The following CCNB1 variants were observed in gnomAD, a reference collection of about 807,000 sequenced individuals.
CCNB1 encodes the protein cyclin B1.
A neutral mutation model predicts 44.4 loss-of-function variants in CCNB1; 26 were observed. That is an observed-to-expected ratio of 0.59 (90% confidence interval 0.43 to 0.81). The LOEUF (loss-of-function observed/expected upper bound fraction) is 0.81. CCNB1 is among the 40% of genes least tolerant of loss of function. The pLI, the probability that CCNB1 is intolerant of heterozygous loss-of-function variation, is 0.00. For synonymous variants in CCNB1, 195 were observed against 181.4 expected (o/e 1.08, Z -0.60); for missense variants, 477 against 520.9 (o/e 0.92, Z 0.82).
chr5:69,167,825 TCTC>T (rs879617924), intron 1 of CCNB1, 80 bp from the exon 2 acceptor site: 135 of 1,292,226 alleles, frequency 1.0e-4, no homozygotes, highest in East Asian at 1.0e-3. Flanking sequence ...TCTGGGAACT[TCTC>T]CTTGTGCCCC....
At chr5:69,172,597 A>AT (rs1389386491) in intron 4 of CCNB1, among the ~76,000 whole-genome samples, 2 of 151,838 alleles carry the variant, frequency 1.3e-5, no homozygotes, top group Non-Finnish European at 2.9e-5. Flanking sequence ...CATCACTGAC[A>AT]TGTTCATCTC....
chr5:69,175,374 CAG>C (rs1561315160), intron 6 of CCNB1, 21 bp from the exon 7 acceptor site: 1 of 1,608,422 alleles, frequency 6.2e-7, no homozygotes, highest in Non-Finnish European at 8.5e-7. Context: ...GAAAGAAACT[CAG>C]TAACATGGGT....
At position 69,170,790 on chromosome 5, in the gene CCNB1, T is replaced by C. The variant is rs556284792; in HGVS notation, c.364-480T>C. Among the ~76,000 whole-genome samples the C allele has an allele frequency of 8.4e-4, 128 of 152,210 alleles. 1 individual carries two copies. Among genetic ancestry groups the C allele is most frequent in the Non-Finnish European group, 1.1e-3 (72 of 68,010 alleles). ...GTAGGCAGCTGCCTTCATGCCCAGCTAATTTTTTGTAGAGATGAGTTATTG... is the reference window on the plus strand; with the variant it reads ...GTAGGCAGCTGCCTTCATGCCCAGCCAATTTTTTGTAGAGATGAGTTATTG... On this transcript the variant is annotated intron_variant, in intron 3 of 8. Coordinates refer to ENST00000256442, the MANE Select transcript of CCNB1 (RefSeq NM_031966.4).
intron 4 of CCNB1, 53 bp from the exon 5 acceptor site, chr5:69,174,198 A>G: frequency 1.9e-6 from 3 of 1,547,106 alleles, no homozygotes; most frequent in Non-Finnish European, 2.7e-6. Flanking sequence ...TCTGGACATA[A>G]ATGTGTCACA....
chr5:69,168,138 G>T (rs1270322327), intron 2 of CCNB1, 35 bp from the exon 3 acceptor site: 2 of 1,611,526 alleles, frequency 1.2e-6, no homozygotes, highest in Non-Finnish European at 8.5e-7. Context: ...GGCCTTTGAT[G>T]CAGAAACATT....
At chr5:69,168,493 C>G in intron 3 of CCNB1, 150 bp downstream of exon 3, 2 of 825,220 alleles carry the variant, frequency 2.4e-6, no homozygotes, top group Middle Eastern at 3.6e-4. Context: ...ATTTTACATG[C>G]ATTAACTCAC....
rs750802735 is a variant in CCNB1, at chr5:69,167,285, T to A, written c.21+2T>A. ...GCCATGGCGCTCCGAGTCACCAGGGTGAGCCGCTTCGGACTGCGAACTAAC... is the reference window on the plus strand; with the variant it reads ...GCCATGGCGCTCCGAGTCACCAGGGAGAGCCGCTTCGGACTGCGAACTAAC... On this transcript the variant is annotated splice_donor_variant, in intron 1 of 8. Coordinates refer to ENST00000256442, the MANE Select transcript of CCNB1 (RefSeq NM_031966.4). LOFTEE classifies it high-confidence loss of function. 1 of 1,589,392 alleles carries A rather than the reference T, an allele frequency of 6.3e-7. No individual in the cohort carries two copies. Among genetic ancestry groups the A allele is most frequent in the South Asian group, 1.1e-5 (1 of 88,622 alleles).
chr5:69,170,129 AATTTTTTTATT>A (rs1442643517), intron 3 of CCNB1, among the ~76,000 whole-genome samples: 1 of 150,444 alleles, frequency 6.6e-6, no homozygotes, highest in Admixed American at 6.7e-5. Flanking sequence ...ACACCCAGCT[AATTTTTTTATT>A]ATTTTTTTAT....
intron 3 of CCNB1, among the ~76,000 whole-genome samples, chr5:69,170,981 G>T (rs999612848): frequency 1.3e-5 from 2 of 151,650 alleles, no homozygotes; most frequent in African/African-American, 4.9e-5. Flanking sequence ...ACAGGGTTTT[G>T]CTATGTTGCC....
At position 69,171,321 on chromosome 5, in the gene CCNB1, G is replaced by A. The variant is rs1747454875; in HGVS notation, c.415G>A (p.Glu139Lys). Residue 139 changes from glutamate to lysine, a missense_variant, in exon 4 of 9, where the codon GAA becomes AAA. Glu to Lys is a moderately conservative substitution (Grantham distance 56, BLOSUM62 1). Transcript: ENST00000256442. The part of the protein sequence containing the change: ...PMETSGCAPA[E>K]EDLCQAFSDV... Reference sequence around the variant, plus strand: ...GGAAACATCTGGATGTGCCCCTGCAGAAGAAGACCTGTGTCAGGCTTTCTC... The same window carrying A: ...GGAAACATCTGGATGTGCCCCTGCAAAAGAAGACCTGTGTCAGGCTTTCTC... The A allele has an allele frequency of 6.2e-7, 1 of 1,613,976 alleles. No individual in the cohort carries two copies. Among genetic ancestry groups the A allele is most frequent in the Non-Finnish European group, 8.5e-7 (1 of 1,179,956 alleles).
At chr5:69,171,522 TATA>T (rs1308385600) in intron 4 of CCNB1, 70 bp downstream of exon 4, 24 of 1,146,966 alleles carry the variant, frequency 2.1e-5, no homozygotes, top group Non-Finnish European at 2.9e-5. Context: ...ATCAATAGTT[TATA>T]ATAATACAAG....
Position 69,175,390 on chromosome 5 carries a change from G to A in CCNB1, c.943-7G>A. The A allele has an allele frequency of 6.2e-7, 1 of 1,611,964 alleles. No homozygotes were observed. Among genetic ancestry groups the A allele is most frequent in the African/African-American group, 1.3e-5 (1 of 74,964 alleles). ...AAAGAAACTCAGTAACATGGGTTTTGTTTCAGGTTGATGTCGAGCAACATA... is the reference window on the plus strand; with the variant it reads ...AAAGAAACTCAGTAACATGGGTTTTATTTCAGGTTGATGTCGAGCAACATA... On this transcript the variant is annotated splice_polypyrimidine_tract_variant and splice_region_variant and intron_variant, in intron 6 of 8. Coordinates refer to ENST00000256442, the MANE Select transcript of CCNB1 (RefSeq NM_031966.4).
chr5:69,174,885 T>C lies in CCNB1; in HGVS notation c.714T>C (p.Cys238=). The change falls in exon 6 of 9, where the codon TGT becomes TGC. Residue 238 remains cysteine (C), a synonymous_variant. Transcript: ENST00000256442. The part of the protein sequence containing the change: ...SIIDRFMQNN[C]VPKKMLQLVG... ...TGAAATTCCCATTGCAGAATAATTGTGTGCCCAAGAAGATGCTGCAGCTGG... is the reference window on the plus strand; with the variant it reads ...TGAAATTCCCATTGCAGAATAATTGCGTGCCCAAGAAGATGCTGCAGCTGG... The C allele has an allele frequency of 6.2e-7, 1 of 1,613,660 alleles. No homozygotes were observed. The highest frequency in any genetic ancestry group is 8.5e-7 in the Non-Finnish European group (1 of 1,179,550).
intron 1 of CCNB1, chr5:69,167,572 G>A (rs1225483694): frequency 3.8e-6 from 2 of 520,002 alleles, no homozygotes; most frequent in African/African-American, 2.0e-5. Context: ...GTGATAGAGG[G>A]TCCCTGAGTG....
At chr5:69,172,328 C>T (rs926152495) in intron 4 of CCNB1, among the ~76,000 whole-genome samples, 18 of 152,086 alleles carry the variant, frequency 1.2e-4, no homozygotes, top group African/African-American at 1.4e-4. Context: ...GGTGCAATCT[C>T]GGCTCAGTCC....
chr5:69,173,784 G>A (rs1747516626), intron 4 of CCNB1, among the ~76,000 whole-genome samples: 1 of 151,206 alleles, frequency 6.6e-6, no homozygotes, highest in African/African-American at 2.4e-5. Flanking sequence ...TTTTTTTTGG[G>A]GTGGGGAGAC....
chr5:69,174,016 A>G (rs1747522248), intron 4 of CCNB1, among the ~76,000 whole-genome samples: 1 of 152,064 alleles, frequency 6.6e-6, no homozygotes, highest in African/African-American at 2.4e-5. Context: ...CAATCTGCCA[A>G]CTTCAGCCTC....
intron 4 of CCNB1, among the ~76,000 whole-genome samples, chr5:69,173,861 C>G (rs1450939744): frequency 2.6e-5 from 4 of 151,998 alleles, no homozygotes; most frequent in Admixed American, 2.6e-4. Context: ...CCTCCACCTG[C>G]CAGGTTCAAG....
In CCNB1 at chr5:69,177,621, C is replaced by T. The variant is rs142222479; in HGVS notation, c.1292C>T (p.Ala431Val). Residue 431 changes from alanine to valine, a missense_variant, in exon 9 of 9, where the codon GCA becomes GTA. Physicochemically the swap from Ala to Val is moderately conservative, Grantham distance 64. Coordinates refer to ENST00000256442, the MANE Select transcript of CCNB1 (RefSeq NM_031966.4). ...GTTCAAGATTTAGCCAAGGCTGTGGCAAAGGTGTAACTTGTAAACTTGAGT... is the reference window on the plus strand; with the variant it reads ...GTTCAAGATTTAGCCAAGGCTGTGGTAAAGGTGTAACTTGTAAACTTGAGT... Reference protein sequence around the residue: ...ALVQDLAKAVAKV With the variant: ...ALVQDLAKAVVKV The T allele has an allele frequency of 5.7e-5, 91 of 1,607,170 alleles. No homozygotes were observed. In the African/African-American group the frequency reaches 1.1e-3, roughly 20 times the overall value.
Sources: gnomAD v4.1 joint callset for allele counts (sites outside exome capture counted in the v4.1 genomes callset) on GRCh38, gnomAD v4.1.1 for gene constraint, MANE v1.5 for transcripts, NCBI Gene and HGNC (gene_info 2026-07-23, HGNC 2026-07-21) for gene names.